Variants in DCLK1 observed in about 807,000 individuals in gnomAD.
DCLK1 encodes doublecortin like kinase 1, also known as serine/threonine-protein kinase DCLK1.
DCLK1 carries 16 observed loss-of-function variants against 86.2 expected under a neutral mutation model. The ratio of observed to expected loss-of-function variants is 0.19; its 90% CI spans 0.13 to 0.28. The LOEUF is 0.28. Ranked by LOEUF, DCLK1 falls within the 10% of genes least tolerant of loss-of-function variation. DCLK1 has a pLI of 1.00. For missense variants in DCLK1, 590 were observed against 940.2 expected, an observed-to-expected ratio of 0.63 and a Z score of 4.87; for synonymous variants, 369 against 370.5, an observed-to-expected ratio of 1.00 and a Z score of 0.05.
At chr13:35,797,696 A>G (rs753653909) in intron 15 of DCLK1, among the ~76,000 whole-genome samples, 21 of 152,132 alleles carry the variant, frequency 1.4e-4, no homozygotes, top group Non-Finnish European at 2.9e-4. Flanking sequence ...ATGACAATGA[A>G]AAAGTCTGCA....
intron 3 of DCLK1, among the ~76,000 whole-genome samples, chr13:36,043,033 G>GA (rs1882748405): frequency 6.6e-6 from 1 of 151,976 alleles, no homozygotes; most frequent in African/African-American, 2.4e-5. Context: ...TATTTAGAGG[G>GA]AAAAAAAGTT....
chr13:36,081,185 T>C (rs1436456352), intron 3 of DCLK1, among the ~76,000 whole-genome samples: 1 of 152,130 alleles, frequency 6.6e-6, no homozygotes, highest in Non-Finnish European at 1.5e-5. Context: ...AGAAAAAAAT[T>C]AGAATTAAAT....
rs79281395 is a variant in DCLK1, at chr13:35,964,806, G to A, written c.724-17349C>T. Reference sequence around the variant, plus strand: ...GAAAAAAAAAAAAAAAAACTCAAGCGAAGAATCACATTTTGTGTCAGGTAA... The same window carrying A: ...GAAAAAAAAAAAAAAAAACTCAAGCAAAGAATCACATTTTGTGTCAGGTAA... On this transcript the variant is annotated intron_variant, in intron 3 of 16. Transcript: ENST00000360631. 3.1e-4 allele frequency among the ~76,000 whole-genome samples: 46 copies of A among 150,214 alleles called. 1 individual carries two copies. In the East Asian group the frequency reaches 8.4e-3, roughly 28 times the overall value.
intron 7 of DCLK1, among the ~76,000 whole-genome samples, chr13:35,838,072 A>AAAAAAAAAAAAAAAAAAAAAAAG (rs1555343219): frequency 6.7e-6 from 1 of 149,834 alleles, no homozygotes; most frequent in African/African-American, 2.5e-5. Context: ...TCTCAAAAAA[A>AAAAAAAAAAAAAAAAAAAAAAAG]AAAAGAAAAG....
At chr13:35,809,381 T>C (rs1328691738) in intron 12 of DCLK1, among the ~76,000 whole-genome samples, 1 of 152,204 alleles carries the variant, frequency 6.6e-6, no homozygotes, top group Non-Finnish European at 1.5e-5. Flanking sequence ...GCAAAAAGGT[T>C]TATTATAGTA....
In DCLK1 at chr13:36,112,939, C is replaced by T. The variant is rs539092927; in HGVS notation, c.377-724G>A. ...CAGGAAATCTTTTAATGAAAATAAT[C>T]AGACTATTAAGTAGATGTAGATCAC... On this transcript the variant is annotated intron_variant, in intron 2 of 16. Transcript: ENST00000360631. 3.3e-5 allele frequency among the ~76,000 whole-genome samples: 5 copies of T among 152,236 alleles called. No homozygotes were observed. In the South Asian group the frequency reaches 8.3e-4, roughly 25 times the overall value.
chr13:36,012,324 G>T (rs569456244), intron 3 of DCLK1, among the ~76,000 whole-genome samples: 14 of 151,666 alleles, frequency 9.2e-5, no homozygotes, highest in African/African-American at 2.9e-4. Flanking sequence ...TCCTAGTCTC[G>T]ATGGTCTTTA....
At chr13:35,826,329 G>C (rs1868427982) in intron 10 of DCLK1, among the ~76,000 whole-genome samples, 1 of 150,530 alleles carries the variant, frequency 6.6e-6, no homozygotes, top group Non-Finnish European at 1.5e-5. Flanking sequence ...TTCGAGACCA[G>C]CCTGACCAAC....
At chr13:35,910,508 T>C (rs754545322) in intron 4 of DCLK1, among the ~76,000 whole-genome samples, 9 of 152,344 alleles carry the variant, frequency 5.9e-5, no homozygotes, top group Non-Finnish European at 7.3e-5. Context: ...CCTTTTTTCC[T>C]TTTCCTTCCT....
intron 3 of DCLK1, among the ~76,000 whole-genome samples, chr13:36,091,798 C>T (rs1161864031): frequency 6.6e-6 from 1 of 152,298 alleles, no homozygotes; most frequent in African/African-American, 2.4e-5. Flanking sequence ...CCACTCCCAA[C>T]GATAGCTATC....
intron 4 of DCLK1, among the ~76,000 whole-genome samples, chr13:35,944,854 G>A (rs953952863): frequency 4.6e-5 from 7 of 152,050 alleles, no homozygotes; most frequent in Admixed American, 3.3e-4. Flanking sequence ...GTGAGCCCTT[G>A]TGTGCATATC....
chr13:36,032,993 C>G (rs1384291715), intron 3 of DCLK1, among the ~76,000 whole-genome samples: 2 of 152,146 alleles, frequency 1.3e-5, no homozygotes, highest in Non-Finnish European at 2.9e-5. Flanking sequence ...AACAGGGGAA[C>G]GTGGATGGGT....
At chr13:36,117,142 G>T (rs1237186988) in intron 2 of DCLK1, among the ~76,000 whole-genome samples, 1 of 150,200 alleles carries the variant, frequency 6.7e-6, no homozygotes, top group South Asian at 2.1e-4. Context: ...CAAATCCAAA[G>T]CAACAGAAAA....
At chr13:35,886,166 C>T (rs890457677) in intron 4 of DCLK1, among the ~76,000 whole-genome samples, 1 of 152,034 alleles carries the variant, frequency 6.6e-6, no homozygotes, top group East Asian at 1.9e-4. Context: ...CACATGCCAC[C>T]ATGCCTGGCT....
chr13:36,122,961 C>A (rs1009729614), intron 2 of DCLK1, among the ~76,000 whole-genome samples: 2 of 152,168 alleles, frequency 1.3e-5, no homozygotes, highest in Admixed American at 1.3e-4. Flanking sequence ...AAAACAGTGA[C>A]AGTGACCACA....
intron 3 of DCLK1, among the ~76,000 whole-genome samples, chr13:36,103,760 A>C (rs938848595): frequency 6.6e-6 from 1 of 152,216 alleles, no homozygotes; most frequent in Non-Finnish European, 1.5e-5. Flanking sequence ...GCCACCACAG[A>C]CACCCTTGAA....
At chr13:36,121,462 A>G (rs1254868395) in intron 2 of DCLK1, among the ~76,000 whole-genome samples, 2 of 152,202 alleles carry the variant, frequency 1.3e-5, no homozygotes, top group African/African-American at 4.8e-5. Flanking sequence ...TTCCATCTCT[A>G]TCACAAGAAG....
At chr13:35,849,230 A>G in intron 6 of DCLK1, 1 of 985,422 alleles carries the variant, frequency 1.0e-6, no homozygotes, top group African/African-American at 1.7e-5. Flanking sequence ...ACTATAAACC[A>G]GATGGTAAAA....
intron 16 of DCLK1, among the ~76,000 whole-genome samples, chr13:35,789,532 T>C (rs2086676629): frequency 6.6e-6 from 1 of 152,196 alleles, no homozygotes; most frequent in African/African-American, 2.4e-5. Context: ...CAAAGTGTCA[T>C]ATAACAGGTC....
Sources: gnomAD v4.1 joint callset for allele counts (sites outside exome capture counted in the v4.1 genomes callset) on GRCh38, gnomAD v4.1.1 for gene constraint, MANE v1.5 for transcripts, NCBI Gene and HGNC (gene_info 2026-07-23, HGNC 2026-07-21) for gene names.